Variants in PCDHA12 observed in about 807,000 individuals in gnomAD.
PCDHA12 encodes protocadherin alpha 12.
A neutral mutation model predicts 60.0 loss-of-function variants in PCDHA12; 44 were observed. The observed-to-expected ratio is 0.73, with a 90% CI of 0.58 to 0.94. The LOEUF (loss-of-function observed/expected upper bound fraction) is 0.94, where lower values mean the gene tolerates loss of function less well. Ranked by LOEUF, PCDHA12 falls within the 40% of genes least tolerant of loss-of-function variation. The pLI is 0.00. For missense variants in PCDHA12, 1,276 were observed against 1,239.7 expected (o/e 1.03, Z -0.44); for synonymous variants, 569 against 553.0 (o/e 1.03, Z -0.40).
intron 1 of PCDHA12, chr5:140,928,280 C>G (rs781831365): frequency 6.2e-7 from 1 of 1,614,194 alleles, no homozygotes; most frequent in East Asian, 2.2e-5. Context: ...CCTGGGGCCT[C>G]TCTAGGCCGA....
At chr5:140,982,022 G>T (rs2096962811) in intron 2 of PCDHA12, among the ~76,000 whole-genome samples, 1 of 152,168 alleles carries the variant, frequency 6.6e-6, no homozygotes, top group African/African-American at 2.4e-5. Context: ...AGCCAAATTG[G>T]AACAATACTC....
chr5:140,953,542 A>G (rs2094901319), intron 1 of PCDHA12, among the ~76,000 whole-genome samples: 1 of 152,080 alleles, frequency 6.6e-6, no homozygotes, highest in Admixed American at 6.6e-5. Flanking sequence ...CTTCATGCTG[A>G]TTCTTTTCTC....
intron 1 of PCDHA12, among the ~76,000 whole-genome samples, chr5:140,937,724 AAC>A (rs2091708035): frequency 6.6e-6 from 1 of 152,064 alleles, no homozygotes; most frequent in Non-Finnish European, 1.5e-5. Flanking sequence ...CATCCTGGCT[AAC>A]ACGGTGAAAC....
At chr5:140,927,795 G>A (rs781829757) in intron 1 of PCDHA12, 39 of 1,614,144 alleles carry the variant, frequency 2.4e-5, no homozygotes, top group Non-Finnish European at 3.2e-5. Context: ...CACTAGGTCC[G>A]CCTGAAACGC....
intron 1 of PCDHA12, chr5:140,967,785 G>C: frequency 6.2e-7 from 1 of 1,614,176 alleles, no homozygotes; most frequent in Non-Finnish European, 8.5e-7. Flanking sequence ...GCGACTGACC[G>C]GGGTCCAGTG....
chr5:140,912,851 A>C lies in PCDHA12; in HGVS notation c.2367+35012A>C, dbSNP rs564747882. ...TTTTATTAAATGCTTTTTCAGCATCAATTGAAATGATATATGGTTTTTGGT... is the reference window on the plus strand; with the variant it reads ...TTTTATTAAATGCTTTTTCAGCATCCATTGAAATGATATATGGTTTTTGGT... On this transcript the variant is annotated intron_variant, in intron 1 of 3. Coordinates refer to ENST00000398631, the MANE Select transcript of PCDHA12 (RefSeq NM_018903.4). Among the ~76,000 whole-genome samples, 3 of 152,328 alleles carry C rather than the reference A, an allele frequency of 2.0e-5. No individual in the cohort carries two copies. The South Asian group carries it at 6.2e-4, about 32-fold the overall frequency.
chr5:140,945,709 G>C (rs1033770128), intron 1 of PCDHA12, among the ~76,000 whole-genome samples: 4 of 151,930 alleles, frequency 2.6e-5, no homozygotes, highest in Admixed American at 1.3e-4. Flanking sequence ...TGCAACAAAA[G>C]TATCAAGAAT....
intron 1 of PCDHA12, among the ~76,000 whole-genome samples, chr5:140,910,128 T>C (rs2074896985): frequency 6.6e-6 from 1 of 152,238 alleles, no homozygotes; most frequent in African/African-American, 2.4e-5. Flanking sequence ...GTCTGTAAAC[T>C]GGTTTAAGTC....
chr5:140,962,143 G>C (rs964011627), intron 1 of PCDHA12, among the ~76,000 whole-genome samples: 1 of 151,968 alleles, frequency 6.6e-6, no homozygotes, highest in Non-Finnish European at 1.5e-5. Flanking sequence ...CCAAAGTGCT[G>C]GGATTACAGG....
intron 3 of PCDHA12, among the ~76,000 whole-genome samples, chr5:140,993,462 TCACACACACACACA>T (rs3836747): frequency 0.028 from 4,017 of 141,026 alleles, 179 homozygotes; most frequent in African/African-American, 0.099. Context: ...TCTTTCTTTC[TCACACACACACACA>T]CACACACACA....
At chr5:140,881,333 G>A (rs1554171980) in intron 1 of PCDHA12, 1 of 984,778 alleles carries the variant, frequency 1.0e-6, no homozygotes, top group Admixed American at 6.1e-5. Context: ...TAACCAGGAC[G>A]CCGATTCGGG....
At chr5:140,882,058 C>G (rs1190027185) in intron 1 of PCDHA12, 4 of 794,854 alleles carry the variant, frequency 5.0e-6, no homozygotes, top group Non-Finnish European at 7.7e-6. Flanking sequence ...CTTACACTTA[C>G]ACGTTCATGC....
chr5:140,882,323 C>G, intron 1 of PCDHA12: 1 of 1,614,216 alleles, frequency 6.2e-7, no homozygotes, highest in African/African-American at 1.3e-5. Context: ...GCTCTGGCTT[C>G]TGATCCTCGC....
At chr5:140,935,394 G>C (rs959098226) in intron 1 of PCDHA12, among the ~76,000 whole-genome samples, 2 of 152,088 alleles carry the variant, frequency 1.3e-5, no homozygotes, top group East Asian at 3.8e-4. Context: ...GTTATCCCAC[G>C]GGACTCAAAC....
chr5:140,936,077 G>A (rs2090754379), intron 1 of PCDHA12, among the ~76,000 whole-genome samples: 1 of 151,980 alleles, frequency 6.6e-6, no homozygotes, highest in South Asian at 2.1e-4. Flanking sequence ...ACTTTTAGTA[G>A]AGACAGGGTT....
At chr5:140,968,846 C>T (rs1554231159) in intron 1 of PCDHA12, 1 of 1,614,186 alleles carries the variant, frequency 6.2e-7, no homozygotes. Context: ...CACTCAGAGG[C>T]ATGTTAAGAG....
chr5:140,919,694 ATTAAC>A (rs1313954013), intron 1 of PCDHA12, among the ~76,000 whole-genome samples: 5 of 152,200 alleles, frequency 3.3e-5, no homozygotes, highest in Non-Finnish European at 7.3e-5. Context: ...TCAGATTTAT[ATTAAC>A]TTAATTCTAG....
intron 1 of PCDHA12, among the ~76,000 whole-genome samples, chr5:140,904,267 A>C (rs2070997540): frequency 6.6e-6 from 1 of 152,016 alleles, no homozygotes; most frequent in South Asian, 2.1e-4. Context: ...CCCACTTATG[A>C]ATGAGAACAT....
intron 1 of PCDHA12, among the ~76,000 whole-genome samples, chr5:140,924,240 G>T (rs1554201838): frequency 2.6e-5 from 4 of 152,186 alleles, no homozygotes; most frequent in Non-Finnish European, 5.9e-5. Flanking sequence ...GGGCTGTTTT[G>T]CATCCTGGTG....
Sources: gnomAD v4.1 joint callset for allele counts (sites outside exome capture counted in the v4.1 genomes callset) on GRCh38, gnomAD v4.1.1 for gene constraint, MANE v1.5 for transcripts, NCBI Gene and HGNC (gene_info 2026-07-23, HGNC 2026-07-21) for gene names.